FGG: variants seen among roughly 807,000 people sequenced by gnomAD.
FGG encodes fibrinogen gamma chain, also known as fibrinogen, gamma polypeptide.
FGG carries 20 observed loss-of-function variants against 51.7 expected under a neutral mutation model. The ratio of observed to expected loss-of-function variants is 0.39; its 90% CI spans 0.27 to 0.56. The LOEUF (loss-of-function observed/expected upper bound fraction) is 0.56, where lower values mean the gene tolerates loss of function less well. Ranked by LOEUF, FGG falls within the 20% of genes least tolerant of loss-of-function variation. The pLI is 0.64. For missense variants in FGG, 460 were observed against 534.2 expected (o/e 0.86, Z 1.37); for synonymous variants, 184 against 184.7 (o/e 1.00, Z 0.03).
intron 7 of FGG, among the ~76,000 whole-genome samples, chr4:154,607,335 A>G (rs1220647916): frequency 6.6e-6 from 1 of 152,236 alleles, no homozygotes; most frequent in East Asian, 1.9e-4. Flanking sequence ...TGTGTTGCAC[A>G]CACATTATCA....
chr4:154,605,025 T>C lies in FGG; in HGVS notation c.1171A>G (p.Asn391Asp). Residue 391 changes from asparagine to aspartate, a missense_variant, in exon 9 of 9, where the codon AAT (asparagine) becomes GAT (aspartate). Coordinates refer to ENST00000336098, the MANE Select transcript of FGG (RefSeq NM_021870.3). ...TTCCAAGTGGCCCAAATAATGCCAT[T>C]ATCATAACCATTAGGAGTAGATGCT... ...SKASTPNGYD[N>D]GIIWATWKTR... is the part of the protein sequence containing the mutation. 2.5e-6 allele frequency: 4 copies of C among 1,614,104 alleles called. No homozygotes were observed. Among genetic ancestry groups the C allele is most frequent in the Non-Finnish European group, 3.4e-6 (4 of 1,179,988 alleles).
At position 154,606,700 on chromosome 4, in the gene FGG, C is replaced by T. The variant is rs376890781; in HGVS notation, c.1129+5G>A. 7 of 1,613,594 alleles carry T rather than the reference C, an allele frequency of 4.3e-6. No homozygotes were observed. The African/African-American group carries it at 8.0e-5, about 18-fold the overall frequency. The stretch of plus-strand genomic sequence containing the variant: ...TAACTTGGAATCTAAGAAAGGAAAA[C>T]ATACCTTGGTAATAAACTCCATTGA... On this transcript the variant is annotated splice_donor_5th_base_variant and intron_variant, in intron 8 of 8. Coordinates refer to ENST00000336098, the MANE Select transcript of FGG (RefSeq NM_021870.3).
At chr4:154,607,933 T>C (rs937507647) in intron 7 of FGG, among the ~76,000 whole-genome samples, 11 of 152,230 alleles carry the variant, frequency 7.2e-5, no homozygotes, top group African/African-American at 2.6e-4. Flanking sequence ...AGCTAGCTGG[T>C]TTACTTTTAG....
chr4:154,608,671 G>A (rs768771228), intron 6 of FGG, 21 bp from the exon 7 acceptor site: 1 of 1,601,280 alleles, frequency 6.2e-7, no homozygotes, highest in South Asian at 1.1e-5. Flanking sequence ...ATTTGCAAGA[G>A]CAAAAGGAGA....
intron 8 of FGG, 68 bp from the exon 9 acceptor site, chr4:154,605,134 G>A: frequency 6.4e-7 from 1 of 1,568,178 alleles, no homozygotes; most frequent in South Asian, 1.1e-5. Flanking sequence ...TCTATGAAGA[G>A]CTGTCTATTA....
Position 154,609,633 on chromosome 4 carries a change from C to A in FGG, c.663G>T (p.Gln221His), listed in dbSNP as rs1731163664. 6.2e-7 allele frequency: 1 copy of A among 1,613,888 alleles called. No individual in the cohort carries two copies. The highest frequency in any genetic ancestry group is 8.5e-7 in the Non-Finnish European group (1 of 1,179,854). Reference sequence around the variant, plus strand: ...CACATGGTGGGGAAAAAATTACCTTCTGAAACACAGTCCATCCATTTCCAG... The same window carrying A: ...CACATGGTGGGGAAAAAATTACCTTATGAAACACAGTCCATCCATTTCCAG... ...DGSGNGWTVF[Q>H]KRLDGSVDFK... Residue 221 changes from glutamine (Q) to histidine (H), a missense_variant, in exon 6 of 9, where the codon CAG becomes CAT. Gln to His is a conservative substitution (Grantham distance 24). This residue lies in a region of FGG where 353 missense variants were observed against 391.7 expected (regional missense o/e 0.90). Transcript: ENST00000336098.
rs746243215 is a variant in FGG, at chr4:154,608,527, T to G, written c.790A>C (p.Thr264Pro). 1.2e-6 allele frequency: 2 copies of G among 1,613,848 alleles called. No homozygotes were observed. Among genetic ancestry groups the G allele is most frequent in the Admixed American group, 3.3e-5 (2 of 59,958 alleles). Residue 264 changes from threonine (T) to proline (P), a missense_variant, in exon 7 of 9, where the codon ACA becomes CCA. By Grantham distance (38) the Thr-to-Pro change is conservative. Transcript: ENST00000336098. ...AATGCATATGGGATGGCAGACTGTG[T>G]GCTTATCAAATGAATCTTCTCATTT... is the stretch of plus-strand genomic sequence containing the variant. ...LGNEKIHLISTQSAIPYALRV... is the reference protein window; with the variant it reads ...LGNEKIHLISPQSAIPYALRV...
intron 4 of FGG, among the ~76,000 whole-genome samples, chr4:154,610,687 C>A (rs1362721005): frequency 6.6e-6 from 1 of 152,164 alleles, no homozygotes; most frequent in African/African-American, 2.4e-5. Flanking sequence ...ACTTGTGGAT[C>A]TACTGAGGCT....
At chr4:154,609,900 T>A in intron 5 of FGG, 137 bp from the exon 6 acceptor site, 1 of 1,511,604 alleles carries the variant, frequency 6.6e-7, no homozygotes. Context: ...TCAGCATTCC[T>A]TTTAAACTGT....
At chr4:154,607,431 G>A (rs1053775948) in intron 7 of FGG, among the ~76,000 whole-genome samples, 3 of 152,158 alleles carry the variant, frequency 2.0e-5, no homozygotes, top group Admixed American at 1.3e-4. Context: ...GCCACTCATA[G>A]CACCTGAAGG....
Position 154,604,981 on chromosome 4 carries a change from CATGGA to C in FGG, c.1210_1214del (p.Ser404GlufsTer40). 1 of 1,614,026 alleles carries C rather than the reference CATGGA, an allele frequency of 6.2e-7. No homozygotes were observed. The highest frequency in any genetic ancestry group is 8.5e-7 in the Non-Finnish European group (1 of 1,179,974). ...GGATTATCTTCATAGTGGTTTTCTT[CATGGA>C]ATACCACCGGGTTTTCCAAGTGGCC... On this transcript the variant is annotated frameshift_variant, in exon 9 of 9. Coordinates refer to ENST00000336098, the MANE Select transcript of FGG (RefSeq NM_021870.3). LOFTEE classifies it high-confidence loss of function.
intron 4 of FGG, 34 bp downstream of exon 4, chr4:154,611,771 G>C: frequency 7.2e-7 from 1 of 1,384,444 alleles, no homozygotes; most frequent in Non-Finnish European, 1.0e-6. Flanking sequence ...AACTAAATCA[G>C]TCTTGCAGAG....
chr4:154,612,407 A>T lies in FGG; in HGVS notation c.107T>A (p.Ile36Asn). 1 of 1,613,722 alleles carries T rather than the reference A, an allele frequency of 6.2e-7. No individual in the cohort carries two copies. Among genetic ancestry groups the T allele is most frequent in the Non-Finnish European group, 8.5e-7 (1 of 1,179,914 alleles). Residue 36 changes from isoleucine (I) to asparagine (N), a missense_variant, in exon 2 of 9, where the codon ATC becomes AAC. By Grantham distance (149) the Ile-to-Asn change is moderately radical. This residue lies in a region of FGG where 353 missense variants were observed against 391.7 expected (regional missense o/e 0.90). Coordinates refer to ENST00000336098, the MANE Select transcript of FGG (RefSeq NM_021870.3). ...AYVATRDNCC[I>N]LDERFGSYCP... Reference sequence around the variant, plus strand: ...ACTACTTACGAATCTTTCATCTAAGATGCAGCAGTTGTCTCTGGTAGCAAC... The same window carrying T: ...ACTACTTACGAATCTTTCATCTAAGTTGCAGCAGTTGTCTCTGGTAGCAAC...
Position 154,604,751 on chromosome 4 carries a change from T to A in FGG, c.*83A>T. On this transcript the variant is annotated 3_prime_UTR_variant, in exon 9 of 9. Transcript: ENST00000336098. ...TCCTTAATAGAAGACTTGAAATCAA[T>A]AAATATAGTAAGAGAAAAAAGGAAG... The A allele has an allele frequency of 6.3e-7, 1 of 1,594,932 alleles. No individual in the cohort carries two copies. Among genetic ancestry groups the A allele is most frequent in the Non-Finnish European group, 8.5e-7 (1 of 1,172,886 alleles).
At chr4:154,611,967 C>A (rs762990068) in intron 3 of FGG, 51 bp downstream of exon 3, 10 of 1,604,966 alleles carry the variant, frequency 6.2e-6, no homozygotes, top group South Asian at 2.2e-5. Context: ...AGCAAAAGAA[C>A]TTCACAGATT....
At chr4:154,611,769 C>G in intron 4 of FGG, 36 bp downstream of exon 4, 2 of 1,349,590 alleles carry the variant, frequency 1.5e-6, no homozygotes, top group Non-Finnish European at 2.1e-6. Flanking sequence ...AAAACTAAAT[C>G]AGTCTTGCAG....
At position 154,604,217 on chromosome 4, in the gene FGG, T is replaced by C; in HGVS notation, c.*617A>G. On this transcript the variant is annotated 3_prime_UTR_variant, in exon 9 of 9. Transcript: ENST00000336098. ...TAAAACTGTTATGGAGTTTTCAACA[T>C]GGGGTCTTTTGCTCTTAAAATGAAG... The C allele has an allele frequency of 1.5e-6, 1 of 662,310 alleles. No individual in the cohort carries two copies. Among genetic ancestry groups the C allele is most frequent in the Non-Finnish European group, 2.4e-6 (1 of 409,958 alleles). The allele number at this position is 662,310 out of a possible 1,614,324, so 41.0% of individuals were successfully genotyped here.
In FGG at chr4:154,608,047, T is replaced by C. The variant is rs1560834596; in HGVS notation, c.851+419A>G. The stretch of plus-strand genomic sequence containing the variant: ...GGATAGTTGTTAAGAGGACAGGCTC[T>C]AAAGTTAAACTACTTGAGTCTGAAT... On this transcript the variant is annotated intron_variant, in intron 7 of 8. Coordinates refer to ENST00000336098, the MANE Select transcript of FGG (RefSeq NM_021870.3). Among the ~76,000 whole-genome samples, 5 of 152,304 alleles carry C rather than the reference T, an allele frequency of 3.3e-5. No homozygotes were observed. The South Asian group carries it at 6.2e-4, about 19-fold the overall frequency.
chr4:154,604,828 A>C lies in FGG; in HGVS notation c.*6T>G, dbSNP rs1413203696. 6.2e-7 allele frequency: 1 copy of C among 1,613,838 alleles called. No individual in the cohort carries two copies. The highest frequency in any genetic ancestry group is 1.3e-5 in the African/African-American group (1 of 75,030). ...TGTGGGTCAATAGAAGTTAGCAGTT[A>C]ATTTTCTACAAATCATCCTCAGGGT... On this transcript the variant is annotated 3_prime_UTR_variant, in exon 9 of 9. Transcript: ENST00000336098.
Sources: allele counts gnomAD v4.1 joint callset (sites outside exome capture counted in the v4.1 genomes callset), GRCh38; gene constraint gnomAD v4.1.1; regional missense constraint gnomAD v4.1.1; transcripts MANE v1.5; gene names NCBI Gene and HGNC (gene_info 2026-07-23, HGNC 2026-07-21).